Variants in NCOA7 observed in about 807,000 individuals in gnomAD.
NCOA7 encodes 140 kDa estrogen receptor-associated protein.
Under a neutral mutation model 104.3 loss-of-function variants are expected in NCOA7, and 45 were observed. That is an observed-to-expected ratio of 0.43 (90% CI 0.34 to 0.55). The LOEUF (loss-of-function observed/expected upper bound fraction) is 0.55, where lower values mean the gene tolerates loss of function less well. Ranked by LOEUF, NCOA7 falls within the 20% of genes least tolerant of loss-of-function variation. The pLI is 0.02. For missense variants in NCOA7, 1,041 were observed against 1,119.7 expected, an observed-to-expected ratio of 0.93 and a Z score of 1.00; for synonymous variants, 398 against 402.3, an observed-to-expected ratio of 0.99 and a Z score of 0.13.
intron 11 of NCOA7, among the ~76,000 whole-genome samples, chr6:125,919,797 C>T (rs1289972764): frequency 1.3e-5 from 2 of 152,212 alleles, no homozygotes; most frequent in Non-Finnish European, 2.9e-5. Flanking sequence ...AATTTTCTTA[C>T]TTGTAAATCT....
chr6:125,911,910 C>G (rs182792349), intron 10 of NCOA7, among the ~76,000 whole-genome samples: 96 of 152,242 alleles, frequency 6.3e-4, no homozygotes, highest in Non-Finnish European at 1.1e-3. Flanking sequence ...CCCTCTCCCC[C>G]ACGTTAGTAA....
rs1364670193 is a variant in NCOA7, at chr6:125,815,009, G to C, written c.-64-282G>C. On this transcript the variant is annotated intron_variant, in intron 1 of 15. Transcript: ENST00000392477. ...GTTAGGCTACAATCTTCCAAAGTCA[G>C]TGAAGGTTTTTATTTTGGCATGTTT... Among the ~76,000 whole-genome samples the C allele has an allele frequency of 5.3e-5, 8 of 152,226 alleles. No homozygotes were observed. In the East Asian group the frequency reaches 1.5e-3, roughly 29 times the overall value.
intron 10 of NCOA7, among the ~76,000 whole-genome samples, chr6:125,914,708 A>G (rs73773322): frequency 0.15 from 23,056 of 152,132 alleles, 1,884 homozygotes; most frequent in East Asian, 0.23. Context: ...CCCAGGAACT[A>G]GGCATATTTC....
intron 3 of NCOA7, among the ~76,000 whole-genome samples, chr6:125,860,253 C>A (rs934902220): frequency 6.6e-6 from 1 of 152,152 alleles, no homozygotes; most frequent in African/African-American, 2.4e-5. Flanking sequence ...TTGATACAAG[C>A]ACCTTGGAAT....
At chr6:125,903,111 A>G (rs1347814042) in intron 10 of NCOA7, among the ~76,000 whole-genome samples, 1 of 152,192 alleles carries the variant, frequency 6.6e-6, no homozygotes, top group Admixed American at 6.5e-5. Context: ...TAATTTGAAT[A>G]TGGTGTCTCC....
In NCOA7 at chr6:125,874,909, C is replaced by T; in HGVS notation, c.292C>T (p.His98Tyr). Residue 98 changes from histidine to tyrosine, a missense_variant, in exon 4 of 16, where the codon CAT (histidine) becomes TAT (tyrosine). His to Tyr is a moderately conservative substitution (Grantham distance 83). Coordinates refer to ENST00000392477, the MANE Select transcript of NCOA7 (RefSeq NM_181782.5). ...TTCAGATGACAATCAAAACAAAACA[C>T]ATGATAAAAAAGAGAAGAAGATGGT... ...YSIDDNQNKT[H>Y]DKKEKKMVVQ... 1.9e-6 allele frequency: 3 copies of T among 1,613,070 alleles called. No homozygotes were observed. In the African/African-American group the frequency reaches 4.0e-5, roughly 22 times the overall value.
chr6:125,830,753 G>A (rs868198235), intron 2 of NCOA7, among the ~76,000 whole-genome samples: 4 of 137,314 alleles, frequency 2.9e-5, no homozygotes, highest in African/African-American at 1.0e-4. Flanking sequence ...GTGTGTGTGT[G>A]TGTGTGTATG....
At chr6:125,907,174 C>T (rs1194893655) in intron 10 of NCOA7, among the ~76,000 whole-genome samples, 6 of 152,150 alleles carry the variant, frequency 3.9e-5, no homozygotes, top group Admixed American at 2.0e-4. Flanking sequence ...GGATATTATG[C>T]GGGAGGCTAC....
chr6:125,924,569 G>A (rs1289760774), intron 13 of NCOA7, among the ~76,000 whole-genome samples: 1 of 152,232 alleles, frequency 6.6e-6, no homozygotes, highest in East Asian at 1.9e-4. Flanking sequence ...TAGACTGGCA[G>A]CAATGAGGAG....
At chr6:125,919,194 T>C (rs1787345845) in intron 11 of NCOA7, 24 of 1,540,556 alleles carry the variant, frequency 1.6e-5, no homozygotes, top group African/African-American at 2.7e-5. Flanking sequence ...GTAGAAATGT[T>C]GAAACTTCTC....
In NCOA7 at chr6:125,873,801, T is replaced by C. The variant is rs183399989; in HGVS notation, c.272-1088T>C. The stretch of plus-strand genomic sequence containing the variant: ...CAGCTTTCTGATTTTACCAGGCTAA[T>C]AGGTATAAAATGATACATTGTTTTC... On this transcript the variant is annotated intron_variant, in intron 3 of 15. Coordinates refer to ENST00000392477, the MANE Select transcript of NCOA7 (RefSeq NM_181782.5). Among the ~76,000 whole-genome samples, 192 of 152,368 alleles carry C rather than the reference T, an allele frequency of 1.3e-3. 1 individual carries two copies. The highest frequency in any genetic ancestry group is 2.3e-3 in the Non-Finnish European group (156 of 68,032).
At chr6:125,781,503 TAA>T (rs1774226609) in intron 1 of NCOA7, 1 of 152,152 alleles carries the variant, frequency 6.6e-6, no homozygotes. Context: ...ATTAAGATAA[TAA>T]GATAGAAAAA....
chr6:125,818,871 T>A (rs148617737), intron 2 of NCOA7: 1 of 152,370 alleles, frequency 6.6e-6, no homozygotes, highest in Non-Finnish European at 1.5e-5. Flanking sequence ...TTAAGGGCAG[T>A]CCAAGCAAGA....
At chr6:125,925,413 G>A (rs1273800820) in intron 13 of NCOA7, among the ~76,000 whole-genome samples, 1 of 152,174 alleles carries the variant, frequency 6.6e-6, no homozygotes, top group Non-Finnish European at 1.5e-5. Flanking sequence ...TTCATAGTCT[G>A]GCCAAAGAAA....
rs1462612961 is a variant in NCOA7 at position 125,911,038 on chromosome 6, G to A, written c.2097-4295G>A. Reference sequence around the variant, plus strand: ...GAGAAAAAGACAGTGAGAGAAAAAGGTGGGACACCAGAGGACCATCATTAT... The same window carrying A: ...GAGAAAAAGACAGTGAGAGAAAAAGATGGGACACCAGAGGACCATCATTAT... On this transcript the variant is annotated intron_variant, in intron 10 of 15. Coordinates refer to ENST00000392477, the MANE Select transcript of NCOA7 (RefSeq NM_181782.5). Among the ~76,000 whole-genome samples the A allele has an allele frequency of 2.6e-5, 4 of 152,204 alleles. No homozygotes were observed. In the South Asian group the frequency reaches 6.2e-4, roughly 24 times the overall value.
In NCOA7 at chr6:125,919,435, T is replaced by C. The variant is rs574604869; in HGVS notation, c.2245-1508T>C. 5.0e-6 allele frequency: 8 copies of C among 1,612,470 alleles called. No individual in the cohort carries two copies. The South Asian group carries it at 6.6e-5, about 13-fold the overall frequency. ...TGACGAAGAGCCTTTTGTGAAGGTA[T>C]GTTGGAGTGCGTCCCGAGGGCTAAT... On this transcript the variant is annotated intron_variant, in intron 11 of 15. Coordinates refer to ENST00000392477, the MANE Select transcript of NCOA7 (RefSeq NM_181782.5).
At chr6:125,854,558 C>T (rs1423807378) in intron 2 of NCOA7, among the ~76,000 whole-genome samples, 2 of 152,188 alleles carry the variant, frequency 1.3e-5, no homozygotes, top group Non-Finnish European at 2.9e-5. Flanking sequence ...TTGCCAAATC[C>T]TTTTACTCAG....
At chr6:125,892,767 G>A (rs1256975663) in intron 10 of NCOA7, among the ~76,000 whole-genome samples, 5 of 152,114 alleles carry the variant, frequency 3.3e-5, no homozygotes, top group Non-Finnish European at 5.9e-5. Context: ...TTTACCTTCG[G>A]GTAGCAAATA....
In NCOA7 at chr6:125,896,142, G is replaced by A. The variant is rs146837001; in HGVS notation, c.2096+5332G>A. Among the ~76,000 whole-genome samples the A allele has an allele frequency of 2.6e-5, 4 of 151,090 alleles. No homozygotes were observed. In the East Asian group the frequency reaches 5.8e-4, roughly 22 times the overall value. On this transcript the variant is annotated intron_variant, in intron 10 of 15. Coordinates refer to ENST00000392477, the MANE Select transcript of NCOA7 (RefSeq NM_181782.5). ...ATCATGTACTTACTTTGGATATTAG[G>A]TTCTTTTGAATTTTTGGCCATTATA...
Sources: gnomAD v4.1 joint callset for allele counts (sites outside exome capture counted in the v4.1 genomes callset) on GRCh38, gnomAD v4.1.1 for gene constraint, MANE v1.5 for transcripts, NCBI Gene and HGNC (gene_info 2026-07-23, HGNC 2026-07-21) for gene names.